The following KCTD1 variants were observed in gnomAD, a reference collection of about 807,000 sequenced individuals.
The protein encoded by KCTD1 is BTB/POZ domain-containing protein KCTD1.
KCTD1 carries 24 observed loss-of-function variants against 66.0 expected under a neutral mutation model. The ratio of observed to expected loss-of-function variants is 0.36; its 90% CI spans 0.26 to 0.51. The LOEUF (loss-of-function observed/expected upper bound fraction) is 0.51. KCTD1 is among the 20% of genes least tolerant of loss of function. The probability of loss-of-function intolerance (pLI) is 0.95; values close to 1 mark genes in which losing one functional copy is unlikely to be tolerated. For missense variants in KCTD1, 943 were observed against 1,205.2 expected (o/e 0.78, Z 3.22); for synonymous variants, 511 against 517.2 (o/e 0.99, Z 0.16).
At chr18:26,456,294 C>G (rs540871676) in intron 4 of KCTD1, 1 of 161,118 alleles carries the variant, frequency 6.2e-6, no homozygotes, top group Admixed American at 6.4e-5. Context: ...GTTCACATTT[C>G]AAAGCTCATT....
At chr18:26,602,805 G>C (rs903404762) in intron 1 of KCTD1, among the ~76,000 whole-genome samples, 1 of 152,062 alleles carries the variant, frequency 6.6e-6, no homozygotes, top group Non-Finnish European at 1.5e-5. Context: ...GCTCACCTGC[G>C]AATAACAAAT....
intron 1 of KCTD1, among the ~76,000 whole-genome samples, chr18:26,624,129 ATT>A (rs2145023237): frequency 6.6e-6 from 1 of 152,304 alleles, no homozygotes; most frequent in Non-Finnish European, 1.5e-5. Flanking sequence ...GGTGGAAGAA[ATT>A]TCTAAGAGTC....
upstream of KCTD1, among the ~76,000 whole-genome samples, chr18:26,641,904 C>T (rs1049040089): frequency 2.0e-5 from 3 of 152,096 alleles, no homozygotes; most frequent in Non-Finnish European, 4.4e-5. Context: ...CATATGTGTA[C>T]AATACATATG....
Position 26,593,882 on chromosome 18 carries a change from T to TGAGGAGGAGGAGG in KCTD1, c.-16+35264_-16+35265insCCTCCTCCTCCTC, listed in dbSNP as rs1568004037. Among the ~76,000 whole-genome samples the TGAGGAGGAGGAGG allele has an allele frequency of 7.2e-3, 640 of 88,302 alleles. 2 individuals are homozygous for TGAGGAGGAGGAGG. The highest frequency in any genetic ancestry group is 0.024 in the Middle Eastern group (4 of 170). The allele number at this position is 88,302 out of a possible 152,430, so 57.9% of individuals were successfully genotyped here. A position where few individuals can be genotyped will look rare whatever the true frequency, so the allele number is the denominator to read the frequency against. On this transcript the variant is annotated intron_variant, in intron 1 of 4. Transcript: ENST00000317932. ...AGGAGAACAAGGAGGAAGAGGAAGA[T>TGAGGAGGAGGAGG]AAGGAGGAGGAGGAGGAAGATGAGG...
At chr18:26,655,337 C>T (rs569081935) in intron 1 of KCTD1, among the ~76,000 whole-genome samples, 1 of 152,256 alleles carries the variant, frequency 6.6e-6, no homozygotes, top group South Asian at 2.1e-4. Flanking sequence ...CTCAAATAAA[C>T]TTGTATCTCT....
intron 1 of KCTD1, among the ~76,000 whole-genome samples, chr18:26,503,177 A>C (rs1008479610): frequency 6.6e-6 from 1 of 152,210 alleles, no homozygotes; most frequent in South Asian, 2.1e-4. Context: ...TGGTCGGCTC[A>C]AGGGTGTTTA....
intron 1 of KCTD1, chr18:26,544,764 C>A (rs1425088962): frequency 6.6e-6 from 1 of 152,224 alleles, no homozygotes; most frequent in East Asian, 1.9e-4. Flanking sequence ...AATACTTCGA[C>A]TGCTCAGACT....
intron 2 of KCTD1, among the ~76,000 whole-genome samples, chr18:26,489,006 G>A (rs1407481319): frequency 6.6e-6 from 1 of 152,190 alleles, no homozygotes; most frequent in Non-Finnish European, 1.5e-5. Flanking sequence ...AAATATGAAC[G>A]CATGAAAAAC....
chr18:26,536,595 T>C (rs1984719432), intron 1 of KCTD1, among the ~76,000 whole-genome samples: 1 of 152,162 alleles, frequency 6.6e-6, no homozygotes, highest in Admixed American at 6.6e-5. Context: ...AGGGCTGACC[T>C]GGGAACACTC....
At chr18:26,543,881 A>C (rs1391125760) in intron 1 of KCTD1, 1 of 152,236 alleles carries the variant, frequency 6.6e-6, no homozygotes, top group Non-Finnish European at 1.5e-5. Context: ...TCAGAATCTA[A>C]ACTTTATTAG....
intron 1 of KCTD1, among the ~76,000 whole-genome samples, chr18:26,623,710 T>C (rs1377537178): frequency 6.6e-6 from 1 of 152,144 alleles, no homozygotes; most frequent in Admixed American, 6.6e-5. Context: ...TAGAGTAAAT[T>C]GGTACCAGTA....
At chr18:26,656,768 C>G (rs891884779) in intron 1 of KCTD1, among the ~76,000 whole-genome samples, 5 of 150,986 alleles carry the variant, frequency 3.3e-5, no homozygotes, top group African/African-American at 1.2e-4. Flanking sequence ...CCGCCCCCTG[C>G]GCGCCCCGCA....
chr18:26,656,925 C>A (rs1207154968), intron 1 of KCTD1, among the ~76,000 whole-genome samples: 3 of 149,938 alleles, frequency 2.0e-5, no homozygotes, highest in African/African-American at 7.3e-5. Context: ...CGGGGGAGAG[C>A]CGCGGCGGAG....
At chr18:26,570,628 C>T (rs775407342) in intron 1 of KCTD1, among the ~76,000 whole-genome samples, 1 of 152,126 alleles carries the variant, frequency 6.6e-6, no homozygotes, top group East Asian at 1.9e-4. Flanking sequence ...CCAGGCTGGT[C>T]TGGAACTCTC....
chr18:26,657,065 GC>G (rs1342289726), intron 1 of KCTD1, among the ~76,000 whole-genome samples: 2 of 151,410 alleles, frequency 1.3e-5, no homozygotes, highest in African/African-American at 4.8e-5. Flanking sequence ...CCCGGCCGCG[GC>G]CCCTGCTGGC....
At chr18:26,598,636 C>A (rs1327805858) in intron 1 of KCTD1, among the ~76,000 whole-genome samples, 1 of 152,188 alleles carries the variant, frequency 6.6e-6, no homozygotes, top group Non-Finnish European at 1.5e-5. Context: ...ATTCCTATTT[C>A]TCCACATCCT....
intron 1 of KCTD1, among the ~76,000 whole-genome samples, chr18:26,616,687 T>C (rs1460213694): frequency 8.5e-5 from 3 of 35,108 alleles, no homozygotes; most frequent in Non-Finnish European, 1.3e-4. Context: ...GCCTGGCTAA[T>C]TAAAAAAAAA....
At chr18:26,584,200 C>T (rs1174379386) in intron 1 of KCTD1, among the ~76,000 whole-genome samples, 6 of 152,178 alleles carry the variant, frequency 3.9e-5, no homozygotes, top group Non-Finnish European at 5.9e-5. Flanking sequence ...TATTTCTTGG[C>T]GTGGATCCAC....
At chr18:26,597,448 C>G (rs1432532326) in intron 1 of KCTD1, among the ~76,000 whole-genome samples, 1 of 152,076 alleles carries the variant, frequency 6.6e-6, no homozygotes, top group Non-Finnish European at 1.5e-5. Context: ...AAGATAACTA[C>G]CCTGTGATTA....
Sources: gnomAD v4.1 joint callset for allele counts (sites outside exome capture counted in the v4.1 genomes callset) on GRCh38, gnomAD v4.1.1 for gene constraint, MANE v1.5 for transcripts, NCBI Gene and HGNC (gene_info 2026-07-23, HGNC 2026-07-21) for gene names.